The following RYR1 variants were observed in gnomAD, a reference collection of about 807,000 sequenced individuals.
RYR1 encodes ryanodine receptor 1.
A neutral mutation model predicts 583.5 loss-of-function variants in RYR1; 342 were observed. The ratio of observed to expected loss-of-function variants is 0.59; its 90% CI spans 0.54 to 0.64. The LOEUF is 0.64. Among genes scored for constraint, RYR1 ranks in the 30% least tolerant of loss-of-function variants. RYR1 has a pLI of 0.00. For missense variants in RYR1, 6,032 were observed against 6,917.2 expected (o/e 0.87, Z 4.54); for synonymous variants, 2,791 against 2,822.5 (o/e 0.99, Z 0.35).
At chr19:38,524,305 G>A (rs574154859) in intron 70 of RYR1, among the ~76,000 whole-genome samples, 2 of 29,640 alleles carry the variant, frequency 6.7e-5, no homozygotes, top group African/African-American at 3.0e-4. Flanking sequence ...GGAGGGGGCA[G>A]CACCCTCGCC....
rs2145681813 is a variant in RYR1 at position 38,517,432 on chromosome 19, T to C, written c.9759T>C (p.Ile3253=). ...IPVLERLMAD[I]GGLAESGARY... ...TGCTGGAGCGGCTCATGGCAGACAT[T>C]GGGGGGCTGGCCGAGTCAGGTGCCC... The change falls in exon 66 of 106, where the codon ATT becomes ATC. Residue 3253 remains isoleucine (I), a synonymous_variant. Transcript: ENST00000359596. 6.2e-7 allele frequency: 1 copy of C among 1,613,780 alleles called. No individual in the cohort carries two copies.
intron 20 of RYR1, among the ~76,000 whole-genome samples, chr19:38,462,824 C>T (rs1216239884): frequency 6.6e-6 from 1 of 151,794 alleles, no homozygotes; most frequent in African/African-American, 2.4e-5. Context: ...CAGGCCCTGC[C>T]CTCATGGAGC....
intron 89 of RYR1, among the ~76,000 whole-genome samples, chr19:38,549,875 TTG>T (rs150566334): frequency 0.13 from 15,838 of 121,960 alleles, 1,011 homozygotes; most frequent in East Asian, 0.23. Context: ...CCAGCTAAAT[TTG>T]TGTGTGTGTG....
intron 21 of RYR1, 60 bp from the exon 22 acceptor site, chr19:38,463,687 G>C (rs1470227143): frequency 1.3e-5 from 20 of 1,537,146 alleles, no homozygotes; most frequent in Non-Finnish European, 1.7e-5. Context: ...TCATAGTCTG[G>C]GCATGTGGGG....
In RYR1 at chr19:38,451,751, TC is replaced by T. The variant is rs775029935; in HGVS notation, c.1123-9del. 12 of 1,613,578 alleles carry T rather than the reference TC, an allele frequency of 7.4e-6. No individual in the cohort carries two copies. Among genetic ancestry groups the T allele is most frequent in the Non-Finnish European group, 1.0e-5 (12 of 1,179,946 alleles). On this transcript the variant is annotated splice_polypyrimidine_tract_variant and intron_variant, in intron 11 of 105. Transcript: ENST00000359596. ...GCTGGGCCCACTCCAGACCTCTGTC[TC>T]CCCACTCCTAGGCCATGCTGCACCA...
Position 38,444,250 on chromosome 19 carries a change from G to A in RYR1, c.526G>A (p.Glu176Lys), listed in dbSNP as rs761616815. The A allele has an allele frequency of 2.2e-5, 35 of 1,613,146 alleles. No homozygotes were observed. Among genetic ancestry groups the A allele is most frequent in the African/African-American group, 2.7e-5 (2 of 74,874 alleles). The change falls in exon 6 of 106, where the codon GAG (glutamate) becomes AAG (lysine). Residue 176 changes from glutamate to lysine, a missense_variant. Physicochemically the swap from Glu to Lys is moderately conservative, Grantham distance 56. Transcript: ENST00000359596. This position sits in a 1 kb window ranked among gnomAD's most constrained non-coding sequence, Gnocchi z 5.1. ...DDIILVSVSS[E>K]RYLHLSTASG... ...CATCATCCTTGTCAGTGTCTCCTCC[G>A]AGCGCTACCTGGTGAGCCATTGCGG... is the stretch of plus-strand genomic sequence containing the variant.
In RYR1 at chr19:38,455,438, C is replaced by T; in HGVS notation, c.1577-13C>T. ...CCCAGTCCTATTGGATCTGACACCT[C>T]TTCCCCCCTCAGCTTCTCTAATCCG... On this transcript the variant is annotated splice_polypyrimidine_tract_variant and intron_variant, in intron 14 of 105. Transcript: ENST00000359596. The T allele has an allele frequency of 1.2e-6, 2 of 1,614,176 alleles. No individual in the cohort carries two copies. The highest frequency in any genetic ancestry group is 1.1e-5 in the South Asian group (1 of 91,084).
rs750856414 is a variant in RYR1 at position 38,502,872 on chromosome 19, T to C, written c.7836-8T>C. The C allele has an allele frequency of 1.2e-6, 2 of 1,609,316 alleles. No individual in the cohort carries two copies. Among genetic ancestry groups the C allele is most frequent in the African/African-American group, 1.3e-5 (1 of 74,614 alleles). On this transcript the variant is annotated splice_region_variant and splice_polypyrimidine_tract_variant and intron_variant, in intron 48 of 105. Coordinates refer to ENST00000359596, the MANE Select transcript of RYR1 (RefSeq NM_000540.3). ...GGGGGATTCTACATCTTGTGCATTG[T>C]CCCGCAGGTACATCCGCCCGTCGAT... is the stretch of plus-strand genomic sequence containing the variant.
At position 38,500,771 on chromosome 19, in the gene RYR1, G is replaced by A. The variant is rs368813981; in HGVS notation, c.7444+45G>A. ...TGGCGAAGGAGTGATGCTGGGGAGG[G>A]AGCGGCTGGGTCCGCAGGGCATCCC... On this transcript the variant is annotated intron_variant, in intron 46 of 105. Coordinates refer to ENST00000359596, the MANE Select transcript of RYR1 (RefSeq NM_000540.3). The surrounding 1 kb of genome is among the most constrained non-coding windows in gnomAD (Gnocchi z 5.9). 3 of 1,613,916 alleles carry A rather than the reference G, an allele frequency of 1.9e-6. No individual in the cohort carries two copies. The African/African-American group carries it at 4.0e-5, about 22-fold the overall frequency.
In RYR1 at chr19:38,496,314, G is replaced by A. The variant is rs2145585705; in HGVS notation, c.6648G>A (p.Gly2216=). 2 of 1,614,018 alleles carry A rather than the reference G, an allele frequency of 1.2e-6. No homozygotes were observed. Among genetic ancestry groups the A allele is most frequent in the South Asian group, 1.1e-5 (1 of 91,074 alleles). Residue 2216 remains glycine, a synonymous_variant, in exon 40 of 106, where the codon GGG becomes GGA. Coordinates refer to ENST00000359596, the MANE Select transcript of RYR1 (RefSeq NM_000540.3). This position sits in a 1 kb window ranked among gnomAD's most constrained non-coding sequence, Gnocchi z 4.8. ...TGGAGGTCATGGTCAACGTCCTCGG[G>A]GGCGGCGAGTCCAAGGTGAGGGCCC... ...TVMEVMVNVL[G]GGESKEIRFP...
At chr19:38,557,025 A>G (rs1317657508) in intron 89 of RYR1, among the ~76,000 whole-genome samples, 2 of 142,574 alleles carry the variant, frequency 1.4e-5, no homozygotes, top group Non-Finnish European at 3.0e-5. Context: ...TTCATTAGAG[A>G]TTGCAAAATG....
At position 38,561,283 on chromosome 19, in the gene RYR1, G is replaced by A; in HGVS notation, c.12453G>A (p.Glu4151=). The change falls in exon 90 of 106, where the codon GAG becomes GAA. Residue 4151 remains glutamate, a synonymous_variant. Coordinates refer to ENST00000359596, the MANE Select transcript of RYR1 (RefSeq NM_000540.3). This position sits in a 1 kb window ranked among gnomAD's most constrained non-coding sequence, Gnocchi z 4.8. ...NVAVLLTNLS[E]HVPHDPRLHN... Reference sequence around the variant, plus strand: ...CGGTGCTGCTGACCAACCTGTCGGAGCATGTGCCGCATGACCCTCGCCTGC... The same window carrying A: ...CGGTGCTGCTGACCAACCTGTCGGAACATGTGCCGCATGACCCTCGCCTGC... 1.2e-6 allele frequency: 2 copies of A among 1,614,020 alleles called. No individual in the cohort carries two copies. Among genetic ancestry groups the A allele is most frequent in the Non-Finnish European group, 1.7e-6 (2 of 1,180,028 alleles).
At chr19:38,514,024 T>A (rs1970841533) in intron 63 of RYR1, among the ~76,000 whole-genome samples, 1 of 152,202 alleles carries the variant, frequency 6.6e-6, no homozygotes, top group Non-Finnish European at 1.5e-5. Context: ...AAGTTTCTCC[T>A]GCTGCATTTG....
Position 38,473,416 on chromosome 19 carries a change from C to T in RYR1, c.3805C>T (p.Leu1269=). The part of the protein sequence containing the change: ...VDGTVDTPPC[L]RLTHRTWGSQ... Reference sequence around the variant, plus strand: ...CGGCACTGTGGACACGCCCCCCTGCCTGCGCCTGACCCACCGCACCTGGGG... The same window carrying T: ...CGGCACTGTGGACACGCCCCCCTGCTTGCGCCTGACCCACCGCACCTGGGG... Residue 1269 remains leucine, a synonymous_variant, in exon 28 of 106, where the codon CTG becomes TTG. Transcript: ENST00000359596. 6.2e-7 allele frequency: 1 copy of T among 1,613,900 alleles called. No homozygotes were observed. Among genetic ancestry groups the T allele is most frequent in the Non-Finnish European group, 8.5e-7 (1 of 1,179,984 alleles).
At position 38,506,541 on chromosome 19, in the gene RYR1, C is replaced by T. The variant is rs1305135639; in HGVS notation, c.8687C>T (p.Ala2896Val). Reference sequence around the variant, plus strand: ...CGGAAGAAGAAGCAGGAGCTGGAAGCCAAAGGTGAGGGCGCCCATGCCGCC... The same window carrying T: ...CGGAAGAAGAAGCAGGAGCTGGAAGTCAAAGGTGAGGGCGCCCATGCCGCC... ...WGRKKKQELEAKGGGTHPLLV... is the reference protein window; with the variant it reads ...WGRKKKQELEVKGGGTHPLLV... The change falls in exon 56 of 106, where the codon GCC becomes GTC. Residue 2896 changes from alanine (A) to valine (V), a missense_variant. Ala to Val is a moderately conservative substitution (Grantham distance 64, BLOSUM62 0). Transcript: ENST00000359596. 6.2e-7 allele frequency: 1 copy of T among 1,613,832 alleles called. No homozygotes were observed. The highest frequency in any genetic ancestry group is 1.3e-5 in the African/African-American group (1 of 74,872).
chr19:38,585,560 A>G (rs1029442908), intron 102 of RYR1, among the ~76,000 whole-genome samples: 1 of 150,804 alleles, frequency 6.6e-6, no homozygotes, highest in Non-Finnish European at 1.5e-5. Context: ...TGCAACCTCT[A>G]CCTCCCAGGT....
chr19:38,532,730 C>T lies in RYR1; in HGVS notation c.11253C>T (p.Ser3751=). 6.2e-7 allele frequency: 1 copy of T among 1,613,950 alleles called. No homozygotes were observed. Among genetic ancestry groups the T allele is most frequent in the Non-Finnish European group, 8.5e-7 (1 of 1,179,986 alleles). The part of the protein sequence containing the change: ...NGEAEEEVEV[S]FEEKQMEKQR... The stretch of plus-strand genomic sequence containing the variant: ...AAGCTGAAGAGGAGGTTGAGGTCTC[C>T]TTTGAGGTAGGTGGGCTCAGGAGGT... Residue 3751 remains serine, a synonymous_variant, in exon 78 of 106, where the codon TCC becomes TCT. Coordinates refer to ENST00000359596, the MANE Select transcript of RYR1 (RefSeq NM_000540.3).
rs765493537 is a variant in RYR1, at chr19:38,499,707, C to T, written c.7100C>T (p.Ala2367Val). Residue 2367 changes from alanine (A) to valine (V), a missense_variant, in exon 44 of 106, where the codon GCC becomes GTC. This residue lies in a region of RYR1 where 2,627 missense variants were observed against 2,961.3 expected (regional missense o/e 0.89). Transcript: ENST00000359596. This position sits in a 1 kb window ranked among gnomAD's most constrained non-coding sequence, Gnocchi z 7.3. Reference protein sequence around the residue: ...LIRKPECFGPALRGEGGSGLL... With the variant: ...LIRKPECFGPVLRGEGGSGLL... Reference sequence around the variant, plus strand: ...CGGAAGCCTGAGTGCTTCGGACCCGCCCTGCGGGGTGAGGGTGGCTCAGGG... The same window carrying T: ...CGGAAGCCTGAGTGCTTCGGACCCGTCCTGCGGGGTGAGGGTGGCTCAGGG... 1.2e-6 allele frequency: 2 copies of T among 1,601,404 alleles called. No individual in the cohort carries two copies. The highest frequency in any genetic ancestry group is 1.7e-6 in the Non-Finnish European group (2 of 1,179,714).
chr19:38,471,597 A>AC lies in RYR1; in HGVS notation c.3766-1776dup, dbSNP rs201676756. 6.8e-3 allele frequency among the ~76,000 whole-genome samples: 1,030 copies of AC among 151,526 alleles called. 13 individuals carry two copies. The highest frequency in any genetic ancestry group is 0.024 in the African/African-American group (987 of 41,262). On this transcript the variant is annotated intron_variant, in intron 27 of 105. Coordinates refer to ENST00000359596, the MANE Select transcript of RYR1 (RefSeq NM_000540.3). ...AGGGGAGAAAGAGGAGAGAAAAAAG[A>AC]CCCCTAAAGAGTCTGAGAACAGGCT...
Sources: gnomAD v4.1 joint callset for allele counts (sites outside exome capture counted in the v4.1 genomes callset) on GRCh38, gnomAD v4.1.1 for gene constraint, gnomAD v4.1.1 regional missense constraint, Gnocchi (gnomAD v3.1) non-coding constraint, MANE v1.5 for transcripts, NCBI Gene and HGNC (gene_info 2026-07-23, HGNC 2026-07-21) for gene names.